Variants in PDE4B observed in about 807,000 individuals in gnomAD.
PDE4B encodes the protein 3',5'-cyclic-AMP phosphodiesterase 4B.
PDE4B carries 20 observed loss-of-function variants against 82.2 expected under a neutral mutation model. That is an observed-to-expected ratio of 0.24 (90% CI 0.17 to 0.35). PDE4B has a LOEUF of 0.35. Among genes scored for constraint, PDE4B ranks in the 10% least tolerant of loss-of-function variants. The pLI, the probability that PDE4B is intolerant of heterozygous loss-of-function variation, is 1.00. For missense variants in PDE4B, 655 were observed against 907.2 expected, an observed-to-expected ratio of 0.72 and a Z score of 3.57; for synonymous variants, 320 against 318.9, an observed-to-expected ratio of 1.00 and a Z score of -0.04.
chr1:66,037,524 A>G (rs1369348976), intron 3 of PDE4B, among the ~76,000 whole-genome samples: 1 of 152,074 alleles, frequency 6.6e-6, no homozygotes, highest in Non-Finnish European at 1.5e-5. Flanking sequence ...TGGTGGAGTC[A>G]TTACGATTTT....
chr1:65,860,454 C>T (rs1402195819), intron 1 of PDE4B, among the ~76,000 whole-genome samples: 1 of 152,146 alleles, frequency 6.6e-6, no homozygotes, highest in African/African-American at 2.4e-5. Flanking sequence ...CACTGATGGG[C>T]ATTTGGGTTG....
At position 66,124,742 on chromosome 1, in the gene PDE4B, A is replaced by G. The variant is rs561067275; in HGVS notation, c.282-122718A>G. On this transcript the variant is annotated intron_variant, in intron 3 of 16. Transcript: ENST00000341517. Reference sequence around the variant, plus strand: ...GTTTCCTCATAACATCAATGAGGGGAAAAAAAAAGTTAATTCCTGGCTCAA... The same window carrying G: ...GTTTCCTCATAACATCAATGAGGGGGAAAAAAAAGTTAATTCCTGGCTCAA... Among the ~76,000 whole-genome samples, 95 of 135,074 alleles carry G rather than the reference A, an allele frequency of 7.0e-4. 1 individual carries two copies. Among genetic ancestry groups the G allele is most frequent in the South Asian group, 3.6e-3 (17 of 4,752 alleles). The allele number at this position is 135,074 out of a possible 152,430, so 88.6% of individuals were successfully genotyped here. A position where few individuals can be genotyped will look rare whatever the true frequency, so the allele number is the denominator to read the frequency against.
At chr1:66,186,985 C>T (rs1302478994) in intron 3 of PDE4B, among the ~76,000 whole-genome samples, 1 of 152,016 alleles carries the variant, frequency 6.6e-6, no homozygotes, top group Non-Finnish European at 1.5e-5. Context: ...ATAGATGGCT[C>T]TTATTATTTT....
At chr1:65,961,343 G>A (rs1412148913) in intron 3 of PDE4B, among the ~76,000 whole-genome samples, 3 of 152,090 alleles carry the variant, frequency 2.0e-5, no homozygotes, top group African/African-American at 7.2e-5. Context: ...AAATGAGGAT[G>A]TGTGCCTGGT....
At chr1:65,887,178 C>T (rs1646788802) in intron 1 of PDE4B, among the ~76,000 whole-genome samples, 3 of 131,778 alleles carry the variant, frequency 2.3e-5, no homozygotes, top group Admixed American at 1.5e-4. Context: ...TTCCCTCCCT[C>T]CCTCCCTTTT....
intron 3 of PDE4B, among the ~76,000 whole-genome samples, chr1:66,080,234 A>G (rs1240412508): frequency 6.6e-6 from 1 of 152,174 alleles, no homozygotes; most frequent in Non-Finnish European, 1.5e-5. Flanking sequence ...ATTCCAGTTC[A>G]TACAGAAAAA....
At chr1:65,961,870 G>A (rs1165083862) in intron 3 of PDE4B, among the ~76,000 whole-genome samples, 1 of 152,134 alleles carries the variant, frequency 6.6e-6, no homozygotes, top group Non-Finnish European at 1.5e-5. Context: ...AAGGCATGAA[G>A]GCTTGAAAGA....
At chr1:65,941,237 C>T (rs945328473) in intron 3 of PDE4B, among the ~76,000 whole-genome samples, 2 of 151,972 alleles carry the variant, frequency 1.3e-5, no homozygotes, top group African/African-American at 4.8e-5. Context: ...AAGAGGAGAG[C>T]TTGGGCATCA....
chr1:66,289,428 G>A (rs944283949), intron 7 of PDE4B, among the ~76,000 whole-genome samples: 8 of 152,130 alleles, frequency 5.3e-5, no homozygotes, highest in African/African-American at 1.9e-4. Flanking sequence ...TCTGTCCAAG[G>A]AGGTGATATT....
At chr1:66,282,332 G>A (rs914979284) in intron 7 of PDE4B, among the ~76,000 whole-genome samples, 3 of 152,184 alleles carry the variant, frequency 2.0e-5, no homozygotes, top group African/African-American at 7.2e-5. Flanking sequence ...TTTTGAGTAA[G>A]CCATCCTGGC....
intron 7 of PDE4B, among the ~76,000 whole-genome samples, chr1:66,317,226 C>G (rs1659088057): frequency 6.6e-6 from 1 of 152,206 alleles, no homozygotes; most frequent in African/African-American, 2.4e-5. Flanking sequence ...TGTTCAGTGT[C>G]TTCATTCACA....
intron 7 of PDE4B, among the ~76,000 whole-genome samples, chr1:66,269,544 A>G (rs971319149): frequency 6.6e-6 from 1 of 152,258 alleles, no homozygotes; most frequent in African/African-American, 2.4e-5. Context: ...ACTCCAAAAT[A>G]AGGCAGGAAC....
At chr1:66,294,925 GTGGA>G (rs780802577) in intron 7 of PDE4B, among the ~76,000 whole-genome samples, 3 of 152,142 alleles carry the variant, frequency 2.0e-5, no homozygotes, top group Non-Finnish European at 2.9e-5. Flanking sequence ...GATTCATTTG[GTGGA>G]AAACATAGCT....
At chr1:66,133,334 C>A (rs956386224) in intron 3 of PDE4B, among the ~76,000 whole-genome samples, 7 of 152,168 alleles carry the variant, frequency 4.6e-5, no homozygotes, top group African/African-American at 1.4e-4. Context: ...CTGAAGAAAT[C>A]TCAATGAATG....
chr1:65,932,095 G>C (rs915680622), intron 3 of PDE4B, among the ~76,000 whole-genome samples: 1 of 151,992 alleles, frequency 6.6e-6, no homozygotes, highest in Admixed American at 6.6e-5. Flanking sequence ...CTTCCCAAAG[G>C]ACTTCCTCTG....
chr1:66,054,678 T>A lies in PDE4B; in HGVS notation c.281+135843T>A, dbSNP rs573719525. 2.0e-5 allele frequency among the ~76,000 whole-genome samples: 3 copies of A among 152,328 alleles called. No homozygotes were observed. In the South Asian group the frequency reaches 6.2e-4, roughly 32 times the overall value. Reference sequence around the variant, plus strand: ...TACAGATTGATATTTTATTCTTCCCTTTCCCATAGTTCACTCCTGAATGAT... The same window carrying A: ...TACAGATTGATATTTTATTCTTCCCATTCCCATAGTTCACTCCTGAATGAT... On this transcript the variant is annotated intron_variant, in intron 3 of 16. Coordinates refer to ENST00000341517, the MANE Select transcript of PDE4B (RefSeq NM_002600.4).
chr1:66,259,254 C>T (rs1388747305), intron 6 of PDE4B, among the ~76,000 whole-genome samples: 1 of 152,124 alleles, frequency 6.6e-6, no homozygotes, highest in Non-Finnish European at 1.5e-5. Flanking sequence ...TGGGCACCCC[C>T]ATCAGTACCA....
At chr1:66,184,079 C>G (rs560395371) in intron 3 of PDE4B, among the ~76,000 whole-genome samples, 16 of 152,204 alleles carry the variant, frequency 1.1e-4, no homozygotes, top group African/African-American at 3.1e-4. Context: ...AAACTGAAGG[C>G]AGGGATCTGG....
chr1:66,038,893 C>T (rs1262138947), intron 3 of PDE4B, among the ~76,000 whole-genome samples: 1 of 151,998 alleles, frequency 6.6e-6, no homozygotes, highest in South Asian at 2.1e-4. Context: ...TTTCTGTTTT[C>T]GTGACATGTT....
Sources: allele counts gnomAD v4.1 joint callset (sites outside exome capture counted in the v4.1 genomes callset), GRCh38; gene constraint gnomAD v4.1.1; transcripts MANE v1.5; gene names NCBI Gene and HGNC (gene_info 2026-07-23, HGNC 2026-07-21).